The following PTK2 variants were observed in gnomAD, a reference collection of about 807,000 sequenced individuals.
PTK2 encodes the protein focal adhesion kinase 1.
A neutral mutation model predicts 150.1 loss-of-function variants in PTK2; 45 were observed. That is an observed-to-expected ratio of 0.30 (90% CI 0.24 to 0.38). PTK2 has a LOEUF of 0.38. PTK2 is among the 10% of genes least tolerant of loss of function. PTK2 has a pLI of 1.00. For synonymous variants in PTK2, 432 were observed against 449.2 expected, an observed-to-expected ratio of 0.96 and a Z score of 0.48; for missense variants, 919 against 1,307.3, an observed-to-expected ratio of 0.70 and a Z score of 4.58.
At chr8:140,693,917 AG>A (rs1337120990) in intron 26 of PTK2, among the ~76,000 whole-genome samples, 4 of 152,234 alleles carry the variant, frequency 2.6e-5, no homozygotes, top group Non-Finnish European at 5.9e-5. Context: ...CTTATCTAAT[AG>A]GGTGCACAGC....
intron 16 of PTK2, among the ~76,000 whole-genome samples, chr8:140,756,945 C>T (rs1449203264): frequency 2.0e-5 from 3 of 150,698 alleles, no homozygotes; most frequent in South Asian, 2.1e-4. Flanking sequence ...GCTGACATGG[C>T]GCCACTGCAC....
chr8:140,926,431 G>A (rs1348239514), intron 1 of PTK2, among the ~76,000 whole-genome samples: 1 of 152,138 alleles, frequency 6.6e-6, no homozygotes, highest in African/African-American at 2.4e-5. Context: ...CTGGAAACAG[G>A]CCTACAAAGG....
chr8:140,762,301 A>G, intron 15 of PTK2, 67 bp downstream of exon 18: 1 of 934,408 alleles, frequency 1.1e-6, no homozygotes, highest in Non-Finnish European at 1.3e-6. Context: ...AAAAACTGAA[A>G]CATCCCATAT....
chr8:140,724,264 T>C (rs61654178), intron 22 of PTK2, among the ~76,000 whole-genome samples: 3,424 of 152,300 alleles, frequency 0.022, 133 homozygotes, highest in African/African-American at 0.079. Context: ...AAACAACATA[T>C]GTATTAATAA....
At chr8:140,757,590 G>A (rs531132939) in intron 16 of PTK2, among the ~76,000 whole-genome samples, 1 of 152,226 alleles carries the variant, frequency 6.6e-6, no homozygotes, top group South Asian at 2.1e-4. Flanking sequence ...TAGTACACGT[G>A]TAAAGGACAT....
chr8:140,914,455 G>C (rs572116129), intron 2 of PTK2, among the ~76,000 whole-genome samples: 1 of 151,308 alleles, frequency 6.6e-6, no homozygotes, highest in South Asian at 2.1e-4. Flanking sequence ...AGGTTCAGGG[G>C]TACACATGAA....
intron 22 of PTK2, among the ~76,000 whole-genome samples, chr8:140,718,938 G>A (rs1288759616): frequency 2.0e-5 from 3 of 152,178 alleles, no homozygotes; most frequent in African/African-American, 7.2e-5. Context: ...AGCACTTTGG[G>A]AGTCCAAGGT....
chr8:140,710,511 A>C (rs910789290), intron 23 of PTK2, among the ~76,000 whole-genome samples: 11 of 152,064 alleles, frequency 7.2e-5, no homozygotes, highest in Non-Finnish European at 1.6e-4. Context: ...TTTACTAAAA[A>C]TACAAAAAAA....
intron 1 of PTK2, among the ~76,000 whole-genome samples, chr8:140,984,535 G>T (rs888573666): frequency 6.6e-6 from 1 of 152,108 alleles, no homozygotes; most frequent in South Asian, 2.1e-4. Context: ...GCACTTAAAC[G>T]CTGAGAAGCC....
chr8:140,756,715 C>T (rs1383322961), intron 16 of PTK2, among the ~76,000 whole-genome samples: 8 of 146,862 alleles, frequency 5.4e-5, no homozygotes, highest in African/African-American at 1.3e-4. Context: ...AAAGGCGGGG[C>T]GCGGTGGCTC....
chr8:140,754,053 T>C (rs1308347569), intron 16 of PTK2, among the ~76,000 whole-genome samples: 1 of 152,234 alleles, frequency 6.6e-6, no homozygotes, highest in Non-Finnish European at 1.5e-5. Flanking sequence ...ACTAGTTGTA[T>C]ACTATGTGTT....
chr8:140,873,531 T>C (rs2154606881), intron 4 of PTK2, among the ~76,000 whole-genome samples: 2 of 152,330 alleles, frequency 1.3e-5, no homozygotes, highest in Admixed American at 1.3e-4. Flanking sequence ...AGTGGCACGA[T>C]CTCGGCTCAC....
At chr8:140,658,453 A>G (rs1376407399) in exon 32 of PTK2, 1 of 186,306 alleles carries the variant, frequency 5.4e-6, no homozygotes, top group Non-Finnish European at 1.1e-5. Context: ...AGTTCATTAT[A>G]TTCTTCCTGA....
intron 2 of PTK2, chr8:140,892,514 C>T (rs567694343): frequency 4.1e-5 from 14 of 340,690 alleles, no homozygotes; most frequent in East Asian, 1.1e-4. Flanking sequence ...CCAGCCAGGG[C>T]GACAGAGCCA....
chr8:140,867,968 A>G (rs771128383), intron 4 of PTK2, among the ~76,000 whole-genome samples: 2 of 152,186 alleles, frequency 1.3e-5, no homozygotes, highest in Non-Finnish European at 2.9e-5. Context: ...ATCCTGATAC[A>G]TATTTCCACT....
chr8:140,702,659 T>C (rs773439128), exon 25 of PTK2: 1 of 1,614,094 alleles, frequency 6.2e-7, no homozygotes, highest in Non-Finnish European at 8.5e-7. Context: ...CCTGGATAGA[T>C]GCTGCCAGCC....
At chr8:140,977,632 T>C (rs894807251) in intron 1 of PTK2, among the ~76,000 whole-genome samples, 7 of 137,262 alleles carry the variant, frequency 5.1e-5, no homozygotes, top group African/African-American at 1.8e-4. Flanking sequence ...AAAAAAAAAA[T>C]ACTGCAGTGA....
chr8:140,832,762 G>A (rs944287646), intron 7 of PTK2: 2 of 508,336 alleles, frequency 3.9e-6, no homozygotes, highest in Non-Finnish European at 3.9e-6. Context: ...GAACAGAAAG[G>A]TGGGTGGGCA....
At chr8:140,770,781 T>A in intron 14 of PTK2, 1 of 1,339,800 alleles carries the variant, frequency 7.5e-7, no homozygotes, top group Non-Finnish European at 9.8e-7. Context: ...CTTAACTTTA[T>A]GTTGGCAGTG....
Sources: gnomAD v4.1 joint callset for allele counts (sites outside exome capture counted in the v4.1 genomes callset) on GRCh38, gnomAD v4.1.1 for gene constraint, MANE v1.5 for transcripts, NCBI Gene and HGNC (gene_info 2026-07-23, HGNC 2026-07-21) for gene names.